Variants in ATP8B1 observed in about 807,000 individuals in gnomAD.
ATP8B1 encodes the protein ATPase phospholipid transporting 8B1, also known as phospholipid-transporting ATPase IC.
Under a neutral mutation model 149.9 loss-of-function variants are expected in ATP8B1, and 80 were observed. The ratio of observed to expected loss-of-function variants is 0.53; its 90% CI spans 0.45 to 0.64. ATP8B1 has a LOEUF of 0.64. Ranked by LOEUF, ATP8B1 falls within the 30% of genes least tolerant of loss-of-function variation. ATP8B1 has a pLI of 0.00. For synonymous variants in ATP8B1, 536 were observed against 562.8 expected, an observed-to-expected ratio of 0.95 and a Z score of 0.67; for missense variants, 1,247 against 1,552.6, an observed-to-expected ratio of 0.80 and a Z score of 3.31.
intron 1 of ATP8B1, among the ~76,000 whole-genome samples, chr18:57,739,802 C>T (rs780106301): frequency 1.3e-5 from 2 of 152,112 alleles, no homozygotes; most frequent in African/African-American, 4.8e-5. Context: ...AACCATTGTC[C>T]AAGATTTTAC....
Position 57,677,707 on chromosome 18 carries a change from T to C in ATP8B1, c.1631-2685A>G, listed in dbSNP as rs535775457. Among the ~76,000 whole-genome samples the C allele has an allele frequency of 2.6e-5, 4 of 152,310 alleles. No individual in the cohort carries two copies. In the East Asian group the frequency reaches 7.7e-4, roughly 29 times the overall value. Reference sequence around the variant, plus strand: ...AGAAGCTATAAACGCACTTCCTAAATCCGGCCATCTAGCAATCATATACAA... The same window carrying C: ...AGAAGCTATAAACGCACTTCCTAAACCCGGCCATCTAGCAATCATATACAA... On this transcript the variant is annotated intron_variant, in intron 15 of 27. Coordinates refer to ENST00000648908, the MANE Select transcript of ATP8B1 (RefSeq NM_001374385.1).
chr18:57,795,765 T>C (rs1389739148), intron 1 of ATP8B1, among the ~76,000 whole-genome samples: 1 of 152,136 alleles, frequency 6.6e-6, no homozygotes, highest in African/African-American at 2.4e-5. Flanking sequence ...GATAAAAAGT[T>C]CTGAAGGTGG....
intron 1 of ATP8B1, among the ~76,000 whole-genome samples, chr18:57,801,388 CG>C (rs1259098254): frequency 2.0e-5 from 3 of 152,206 alleles, no homozygotes; most frequent in Non-Finnish European, 4.4e-5. Flanking sequence ...TGCAGGCAGG[CG>C]TGACTTCTCC....
intron 20 of ATP8B1, among the ~76,000 whole-genome samples, chr18:57,666,526 G>A (rs2122688646): frequency 1.0e-5 from 1 of 100,216 alleles, no homozygotes; most frequent in South Asian, 4.0e-4. Flanking sequence ...TTTAGTAGGT[G>A]AACCGAGTTT....
chr18:57,766,350 A>G (rs1445732802), intron 1 of ATP8B1, among the ~76,000 whole-genome samples: 1 of 152,094 alleles, frequency 6.6e-6, no homozygotes, highest in Non-Finnish European at 1.5e-5. Flanking sequence ...GTTGTTCTTT[A>G]TCTCCTTTGG....
intron 16 of ATP8B1, among the ~76,000 whole-genome samples, chr18:57,673,143 T>C (rs1185479822): frequency 6.6e-6 from 1 of 150,828 alleles, no homozygotes; most frequent in Non-Finnish European, 1.5e-5. Flanking sequence ...CTAGCTCTAA[T>C]CATGAGGGAA....
At chr18:57,679,801 A>G (rs1911836775) in intron 15 of ATP8B1, among the ~76,000 whole-genome samples, 1 of 152,036 alleles carries the variant, frequency 6.6e-6, no homozygotes, top group Non-Finnish European at 1.5e-5. Flanking sequence ...AGTAGCTGGG[A>G]CTACAGGTGC....
intron 21 of ATP8B1, among the ~76,000 whole-genome samples, chr18:57,662,178 C>A (rs76258995): frequency 6.6e-6 from 1 of 152,028 alleles, no homozygotes; most frequent in Non-Finnish European, 1.5e-5. Flanking sequence ...GGACTACAGG[C>A]GCATGCCACC....
chr18:57,739,685 G>A (rs1040877014), intron 1 of ATP8B1, among the ~76,000 whole-genome samples: 5 of 152,190 alleles, frequency 3.3e-5, no homozygotes, highest in Admixed American at 1.3e-4. Flanking sequence ...CATTGGACTA[G>A]GGATGAAAGA....
intron 8 of ATP8B1, among the ~76,000 whole-genome samples, chr18:57,696,846 G>A (rs1180626286): frequency 6.6e-6 from 1 of 152,310 alleles, no homozygotes; most frequent in Non-Finnish European, 1.5e-5. Context: ...TAAAGTGCCG[G>A]CAACCTCGTG....
chr18:57,651,193 A>C (rs959555162), intron 26 of ATP8B1, among the ~76,000 whole-genome samples: 1 of 152,112 alleles, frequency 6.6e-6, no homozygotes, highest in African/African-American at 2.4e-5. Flanking sequence ...TGCAGCCTCA[A>C]CCTCCTGGGC....
At chr18:57,742,933 G>A (rs747124767) in intron 1 of ATP8B1, among the ~76,000 whole-genome samples, 3 of 152,074 alleles carry the variant, frequency 2.0e-5, no homozygotes, top group Admixed American at 6.5e-5. Flanking sequence ...ACATTTCAGA[G>A]ATGAGCAGCT....
chr18:57,704,147 T>C (rs1292983013), intron 4 of ATP8B1, among the ~76,000 whole-genome samples: 2 of 152,114 alleles, frequency 1.3e-5, no homozygotes, highest in Non-Finnish European at 2.9e-5. Flanking sequence ...TTTGTATTTT[T>C]AGTAGAAACG....
chr18:57,756,190 AAC>A (rs879269276), intron 1 of ATP8B1, among the ~76,000 whole-genome samples: 25,343 of 95,506 alleles, frequency 0.27, 3,511 homozygotes, highest in Middle Eastern at 0.37. Context: ...ACATTTCCAC[AAC>A]ATATATATAT....
chr18:57,685,575 A>C (rs943625165), intron 13 of ATP8B1, among the ~76,000 whole-genome samples: 2 of 152,106 alleles, frequency 1.3e-5, no homozygotes, highest in Non-Finnish European at 2.9e-5. Flanking sequence ...CCTTAATATT[A>C]TCTCTAAATT....
intron 1 of ATP8B1, among the ~76,000 whole-genome samples, chr18:57,742,114 C>G (rs1459100651): frequency 1.3e-5 from 2 of 152,172 alleles, no homozygotes; most frequent in Non-Finnish European, 2.9e-5. Flanking sequence ...AAGTGATCCA[C>G]CCACCTCGGC....
chr18:57,654,121 G>A, intron 23 of ATP8B1, 46 bp from the exon 24 acceptor site: 4 of 1,499,904 alleles, frequency 2.7e-6, no homozygotes, highest in Non-Finnish European at 3.7e-6. Flanking sequence ...AAAGACACAT[G>A]CCAGCCTAGT....
Position 57,803,148 on chromosome 18 carries a change from CG to C in ATP8B1, c.-177del. ...GGCGCACGGGGGCTGGCCGGGGGCC[CG>C]GGGAAGCGTGTCTAGTTGGCGGCGG... On this transcript the variant is annotated 5_prime_UTR_variant, in exon 1 of 28. Transcript: ENST00000648908. 6.6e-6 allele frequency: 1 copy of C among 152,352 alleles called. No individual in the cohort carries two copies. The highest frequency in any genetic ancestry group is 1.5e-5 in the Non-Finnish European group (1 of 68,176). 9.4% of individuals were successfully genotyped at this position (152,352 alleles called of 1,614,324 possible).
chr18:57,711,530 T>C (rs1913687159), intron 2 of ATP8B1, among the ~76,000 whole-genome samples: 1 of 152,228 alleles, frequency 6.6e-6, no homozygotes. Flanking sequence ...AAGCATTCTT[T>C]GCGCATACAA....
Sources: allele counts gnomAD v4.1 joint callset (sites outside exome capture counted in the v4.1 genomes callset), GRCh38; gene constraint gnomAD v4.1.1; transcripts MANE v1.5; gene names NCBI Gene and HGNC (gene_info 2026-07-23, HGNC 2026-07-21).